The following CCSER1 variants were observed in gnomAD, a reference collection of about 807,000 sequenced individuals.
CCSER1 encodes the protein serine-rich coiled-coil domain-containing protein 1.
Under a neutral mutation model 82.0 loss-of-function variants are expected in CCSER1, and 41 were observed. The ratio of observed to expected loss-of-function variants is 0.50; its 90% CI spans 0.39 to 0.65. The LOEUF (loss-of-function observed/expected upper bound fraction) is 0.65. Ranked by LOEUF, CCSER1 falls within the 30% of genes least tolerant of loss-of-function variation. The pLI is 0.00. For synonymous variants in CCSER1, 414 were observed against 383.9 expected (o/e 1.08, Z -0.92); for missense variants, 1,119 against 1,064.2 (o/e 1.05, Z -0.72).
intron 5 of CCSER1, among the ~76,000 whole-genome samples, chr4:90,613,054 C>T (rs1334604712): frequency 6.6e-6 from 1 of 152,082 alleles, no homozygotes; most frequent in Non-Finnish European, 1.5e-5. Context: ...CAGGAATACA[C>T]CCAACGGTAC....
chr4:90,411,676 A>G (rs574460874), intron 4 of CCSER1, among the ~76,000 whole-genome samples: 6 of 152,154 alleles, frequency 3.9e-5, no homozygotes, highest in African/African-American at 1.2e-4. Context: ...TACTGAATGG[A>G]CAAAAACTGG....
At chr4:91,264,862 T>G (rs1162141904) in intron 10 of CCSER1, among the ~76,000 whole-genome samples, 1 of 152,012 alleles carries the variant, frequency 6.6e-6, no homozygotes, top group Non-Finnish European at 1.5e-5. Context: ...AAATCCCTGA[T>G]TAAGAAATAA....
intron 3 of CCSER1, among the ~76,000 whole-genome samples, chr4:90,347,751 G>A (rs1742637536): frequency 2.0e-5 from 3 of 152,030 alleles, no homozygotes; most frequent in Admixed American, 2.0e-4. Flanking sequence ...AAGAAAGAAG[G>A]GAAAGATACG....
chr4:91,574,178 A>G (rs2110293114), intron 10 of CCSER1, among the ~76,000 whole-genome samples: 1 of 152,238 alleles, frequency 6.6e-6, no homozygotes, highest in East Asian at 1.9e-4. Context: ...GAAACATATA[A>G]GGTACTGAAG....
chr4:90,305,212 G>A (rs556687967), intron 1 of CCSER1, among the ~76,000 whole-genome samples: 48 of 152,206 alleles, frequency 3.2e-4, no homozygotes, highest in Middle Eastern at 6.8e-3. Context: ...CACCGCGCCC[G>A]GCCTCATTTA....
chr4:91,082,346 T>C (rs1023370582), intron 9 of CCSER1, among the ~76,000 whole-genome samples: 4 of 152,230 alleles, frequency 2.6e-5, no homozygotes, highest in African/African-American at 9.6e-5. Context: ...CTGGGAAAAC[T>C]GGCTAACCAT....
rs1034451559 is a variant in CCSER1, at chr4:91,175,508, C to T, written c.2217+89514C>T. 3.9e-5 allele frequency among the ~76,000 whole-genome samples: 6 copies of T among 152,112 alleles called. No individual in the cohort carries two copies. The South Asian group carries it at 8.3e-4, about 21-fold the overall frequency. The stretch of plus-strand genomic sequence containing the variant: ...TGTTGTTTCCTGACTTTTTAATGAT[C>T]ACCATTCTAACTGGTGTGAGATGGT... On this transcript the variant is annotated intron_variant, in intron 10 of 10. Coordinates refer to ENST00000509176, the MANE Select transcript of CCSER1 (RefSeq NM_001145065.2).
At chr4:90,544,647 G>C (rs1345155579) in intron 5 of CCSER1, among the ~76,000 whole-genome samples, 1 of 152,024 alleles carries the variant, frequency 6.6e-6, no homozygotes, top group African/African-American at 2.4e-5. Context: ...CAGTGTGTGA[G>C]CTGAAATTGT....
At chr4:91,540,348 T>C (rs1157247686) in intron 10 of CCSER1, among the ~76,000 whole-genome samples, 5 of 152,170 alleles carry the variant, frequency 3.3e-5, no homozygotes, top group Non-Finnish European at 7.4e-5. Context: ...TCATGTAGAA[T>C]TATTTCAATG....
At chr4:91,365,216 G>A (rs946577743) in intron 10 of CCSER1, among the ~76,000 whole-genome samples, 3 of 152,154 alleles carry the variant, frequency 2.0e-5, no homozygotes, top group African/African-American at 7.2e-5. Flanking sequence ...TTATTGTGAT[G>A]TATTAATGGG....
intron 10 of CCSER1, among the ~76,000 whole-genome samples, chr4:91,218,765 G>T (rs1313416356): frequency 6.6e-6 from 1 of 152,048 alleles, no homozygotes; most frequent in Non-Finnish European, 1.5e-5. Flanking sequence ...CGATAATATT[G>T]CCTTGCTTAT....
chr4:90,898,070 CT>C (rs1219654242), intron 8 of CCSER1, among the ~76,000 whole-genome samples: 1 of 151,598 alleles, frequency 6.6e-6, no homozygotes, highest in Non-Finnish European at 1.5e-5. Context: ...TGTATGTTTA[CT>C]CTGTTTATAG....
At chr4:91,503,192 A>T in intron 10 of CCSER1, among the ~76,000 whole-genome samples, 1 of 151,916 alleles carries the variant, frequency 6.6e-6, no homozygotes, top group East Asian at 1.9e-4. Context: ...AATAGAAAAA[A>T]TAAGCTGGGC....
chr4:91,565,934 G>A (rs770680001), intron 10 of CCSER1, among the ~76,000 whole-genome samples: 1 of 152,084 alleles, frequency 6.6e-6, no homozygotes, highest in Non-Finnish European at 1.5e-5. Context: ...ATGTTGAATA[G>A]GAGTGGTGGG....
intron 3 of CCSER1, among the ~76,000 whole-genome samples, chr4:90,331,929 A>G (rs1739358524): frequency 6.6e-6 from 1 of 152,112 alleles, no homozygotes; most frequent in Non-Finnish European, 1.5e-5. Flanking sequence ...TAGAACTCAG[A>G]GAAGTAAAAT....
rs538936618 is a variant in CCSER1 at position 91,578,329 on chromosome 4, T to G, written c.2218-20243T>G. Among the ~76,000 whole-genome samples, 16 of 152,136 alleles carry G rather than the reference T, an allele frequency of 1.1e-4. 1 individual carries two copies. The South Asian group carries it at 3.3e-3, about 31-fold the overall frequency. ...ACAGTTTCTAACATATACTATTCTT[T>G]TCAATAAGATTTTTGAAAAAAAATT... is the stretch of plus-strand genomic sequence containing the variant. On this transcript the variant is annotated intron_variant, in intron 10 of 10. Coordinates refer to ENST00000509176, the MANE Select transcript of CCSER1 (RefSeq NM_001145065.2).
chr4:91,248,576 A>C (rs1186084198), intron 10 of CCSER1, among the ~76,000 whole-genome samples: 1 of 152,172 alleles, frequency 6.6e-6, no homozygotes, highest in Non-Finnish European at 1.5e-5. Context: ...TCTGCAAAAT[A>C]CCTCAACAGT....
At chr4:90,745,706 T>C (rs1158033333) in intron 7 of CCSER1, among the ~76,000 whole-genome samples, 2 of 93,544 alleles carry the variant, frequency 2.1e-5, no homozygotes, top group Non-Finnish European at 4.1e-5. Context: ...TTTTTTTTTT[T>C]TGAGACGGAG....
rs181507614 is a variant in CCSER1 at position 91,324,273 on chromosome 4, A to T, written c.2217+238279A>T. Reference sequence around the variant, plus strand: ...TATTTAATAGGTTTACTTTTTTCATAATTTGGAAAACATCAGTCTTTCGGG... The same window carrying T: ...TATTTAATAGGTTTACTTTTTTCATTATTTGGAAAACATCAGTCTTTCGGG... On this transcript the variant is annotated intron_variant, in intron 10 of 10. Transcript: ENST00000509176. Among the ~76,000 whole-genome samples, 69 of 152,180 alleles carry T rather than the reference A, an allele frequency of 4.5e-4. 1 individual carries two copies. In the East Asian group the frequency reaches 7.1e-3, roughly 16 times the overall value.
Sources: gnomAD v4.1 joint callset for allele counts (sites outside exome capture counted in the v4.1 genomes callset) on GRCh38, gnomAD v4.1.1 for gene constraint, MANE v1.5 for transcripts, NCBI Gene and HGNC (gene_info 2026-07-23, HGNC 2026-07-21) for gene names.